Variants in KIAA0232 observed in about 807,000 individuals in gnomAD.
KIAA0232 encodes uncharacterized protein KIAA0232.
KIAA0232 carries 27 observed loss-of-function variants against 122.0 expected under a neutral mutation model. That is an observed-to-expected ratio of 0.22 (90% CI 0.16 to 0.31). The LOEUF is 0.31. Among genes scored for constraint, KIAA0232 ranks in the 10% least tolerant of loss-of-function variants. The probability of loss-of-function intolerance (pLI) is 1.00; values close to 1 mark genes in which losing one functional copy is unlikely to be tolerated. For missense variants in KIAA0232, 1,551 were observed against 1,634.2 expected (o/e 0.95, Z 0.88); for synonymous variants, 613 against 587.6 (o/e 1.04, Z -0.63).
chr4:6,806,500 C>T (rs1439126512), intron 2 of KIAA0232, among the ~76,000 whole-genome samples: 1 of 151,846 alleles, frequency 6.6e-6, no homozygotes, highest in Non-Finnish European at 1.5e-5. Flanking sequence ...TTTGGGAGGC[C>T]GAGGCGGGTG....
At chr4:6,842,286 C>T in intron 4 of KIAA0232, 82 bp downstream of exon 4, 1 of 1,375,754 alleles carries the variant, frequency 7.3e-7, no homozygotes, top group Non-Finnish European at 9.9e-7. Flanking sequence ...ACTTGACCTC[C>T]AAAAACTGGG....
At position 6,863,697 on chromosome 4, in the gene KIAA0232, G is replaced by A; in HGVS notation, c.3315G>A (p.Arg1105=). 6.2e-7 allele frequency: 1 copy of A among 1,614,170 alleles called. No homozygotes were observed. ...ACAGGGCTATTCGGATCTCTCCTCG[G>A]ACTCACTTTCGCCCAATTTCTGCAT... ...TQYRAIRISP[R]THFRPISASE... The change falls in exon 7 of 10, where the codon CGG becomes CGA. Residue 1105 remains arginine (R), a synonymous_variant. Transcript: ENST00000307659.
intron 4 of KIAA0232, among the ~76,000 whole-genome samples, chr4:6,853,601 G>A (rs926332785): frequency 3.9e-5 from 6 of 152,124 alleles, no homozygotes; most frequent in South Asian, 2.1e-4. Context: ...ACACTATGGC[G>A]GCACCTGTCC....
chr4:6,824,908 A>G lies in KIAA0232; in HGVS notation c.231+224A>G, dbSNP rs189709521. ...ATTTTCTCCATAGTTAGACTTTCTC[A>G]CTGTTGGTTACGTTTTGGCATAGAC... On this transcript the variant is annotated intron_variant, in intron 3 of 9. Coordinates refer to ENST00000307659, the MANE Select transcript of KIAA0232 (RefSeq NM_014743.3). Among the ~76,000 whole-genome samples the G allele has an allele frequency of 1.6e-3, 244 of 152,166 alleles. 2 individuals are homozygous for G. The highest frequency in any genetic ancestry group is 2.9e-4 in the Non-Finnish European group (20 of 68,014).
chr4:6,856,564 A>G (rs1354736820), intron 4 of KIAA0232, among the ~76,000 whole-genome samples: 1 of 152,164 alleles, frequency 6.6e-6, no homozygotes, highest in African/African-American at 2.4e-5. Flanking sequence ...AGCTTTGTAT[A>G]GAAGTCGATA....
At chr4:6,842,476 A>G (rs1164028437) in intron 4 of KIAA0232, among the ~76,000 whole-genome samples, 4 of 151,932 alleles carry the variant, frequency 2.6e-5, no homozygotes, top group African/African-American at 4.8e-5. Context: ...CTGTTATTAC[A>G]TTGTCTTTAT....
At chr4:6,846,851 G>A (rs1052510446) in intron 4 of KIAA0232, among the ~76,000 whole-genome samples, 63 of 152,068 alleles carry the variant, frequency 4.1e-4, no homozygotes, top group Non-Finnish European at 1.8e-4. Flanking sequence ...TGTTTTTGTC[G>A]TGAATGTTTG....
chr4:6,802,716 C>T (rs1199755650), intron 1 of KIAA0232, among the ~76,000 whole-genome samples: 2 of 151,974 alleles, frequency 1.3e-5, no homozygotes, highest in African/African-American at 4.8e-5. Flanking sequence ...TTTGCTATAA[C>T]ATAGAATACA....
intron 7 of KIAA0232, 66 bp from the exon 8 acceptor site, chr4:6,871,508 C>A: frequency 1.1e-6 from 1 of 899,132 alleles, no homozygotes; most frequent in Non-Finnish European, 1.8e-6. Context: ...GTTAATAATG[C>A]TTGAATATTC....
intron 1 of KIAA0232, among the ~76,000 whole-genome samples, chr4:6,798,902 C>T (rs1041541552): frequency 6.6e-5 from 10 of 152,150 alleles, no homozygotes; most frequent in Admixed American, 6.5e-4. Flanking sequence ...AATGCAGTTT[C>T]ATCAGGTGTA....
chr4:6,849,690 A>T (rs1042119060), intron 4 of KIAA0232, among the ~76,000 whole-genome samples: 3 of 152,048 alleles, frequency 2.0e-5, no homozygotes, highest in African/African-American at 7.2e-5. Context: ...GAGGTGGGAA[A>T]ATTGCTTGAA....
At position 6,858,524 on chromosome 4, in the gene KIAA0232, C is replaced by A; in HGVS notation, c.518+18C>A. On this transcript the variant is annotated intron_variant, in intron 6 of 9. Transcript: ENST00000307659. The stretch of plus-strand genomic sequence containing the variant: ...GTGGAAATGTATGTAAGATTGTATT[C>A]GGTAATAAAGTGTGCATTTGTTAAA... 1.3e-6 allele frequency: 2 copies of A among 1,532,706 alleles called. No individual in the cohort carries two copies. The highest frequency in any genetic ancestry group is 1.2e-5 in the South Asian group (1 of 85,820). 94.9% of individuals were successfully genotyped at this position (1,532,706 alleles called of 1,614,324 possible).
At chr4:6,870,325 T>G (rs1407701383) in intron 7 of KIAA0232, among the ~76,000 whole-genome samples, 1 of 152,230 alleles carries the variant, frequency 6.6e-6, no homozygotes, top group Non-Finnish European at 1.5e-5. Flanking sequence ...CTTCCAGATG[T>G]GAAGGATATG....
chr4:6,868,290 T>A lies in KIAA0232; in HGVS notation c.3802-3284T>A, dbSNP rs77552679. On this transcript the variant is annotated intron_variant, in intron 7 of 9. Transcript: ENST00000307659. ...CTGTTTCATTCATTCATCAAGTATT[T>A]CTTATGTACCTGCTCGGCCAGGTAC... Among the ~76,000 whole-genome samples, 47 of 152,342 alleles carry A rather than the reference T, an allele frequency of 3.1e-4. No homozygotes were observed. In the East Asian group the frequency reaches 8.3e-3, roughly 27 times the overall value.
At chr4:6,837,585 C>G (rs533668097) in intron 3 of KIAA0232, among the ~76,000 whole-genome samples, 1 of 152,148 alleles carries the variant, frequency 6.6e-6, no homozygotes, top group Non-Finnish European at 1.5e-5. Context: ...GAGGTTGTAG[C>G]GAGCCGAGAT....
At chr4:6,829,183 TGCATTTA>T (rs1405250712) in intron 3 of KIAA0232, among the ~76,000 whole-genome samples, 1 of 152,196 alleles carries the variant, frequency 6.6e-6, no homozygotes, top group African/African-American at 2.4e-5. Flanking sequence ...AGTTGGCTTG[TGCATTTA>T]TGGTAGTAGC....
At chr4:6,868,178 A>G (rs1721286988) in intron 7 of KIAA0232, among the ~76,000 whole-genome samples, 1 of 152,206 alleles carries the variant, frequency 6.6e-6, no homozygotes, top group African/African-American at 2.4e-5. Context: ...CCCAGCTTCC[A>G]CCTTCTAAAG....
intron 2 of KIAA0232, among the ~76,000 whole-genome samples, chr4:6,811,784 C>T (rs1471519582): frequency 7.6e-6 from 1 of 130,762 alleles, no homozygotes; most frequent in Non-Finnish European, 1.6e-5. Flanking sequence ...AGATATAAAC[C>T]TTTGTGTTAG....
At chr4:6,858,023 C>G (rs1720651967) in intron 5 of KIAA0232, among the ~76,000 whole-genome samples, 1 of 152,216 alleles carries the variant, frequency 6.6e-6, no homozygotes, top group African/African-American at 2.4e-5. Context: ...AAAGAATATT[C>G]TTTACAGATT....
Sources: allele counts gnomAD v4.1 joint callset (sites outside exome capture counted in the v4.1 genomes callset), GRCh38; gene constraint gnomAD v4.1.1; transcripts MANE v1.5; gene names NCBI Gene and HGNC (gene_info 2026-07-23, HGNC 2026-07-21).